SLC11A2: variants seen among roughly 807,000 people sequenced by gnomAD.
The protein encoded by SLC11A2 is solute carrier family 11 member 2.
SLC11A2 carries 38 observed loss-of-function variants against 68.0 expected under a neutral mutation model. The ratio of observed to expected loss-of-function variants is 0.56; its 90% CI spans 0.43 to 0.73. The LOEUF (loss-of-function observed/expected upper bound fraction) is 0.73. SLC11A2 is among the 30% of genes least tolerant of loss of function. The probability of loss-of-function intolerance (pLI) is 0.00; values close to 1 mark genes in which losing one functional copy is unlikely to be tolerated. For missense variants in SLC11A2, 517 were observed against 690.5 expected, an observed-to-expected ratio of 0.75 and a Z score of 2.82; for synonymous variants, 242 against 250.6, an observed-to-expected ratio of 0.97 and a Z score of 0.32.
chr12:51,012,193 A>G (rs531615584), intron 1 of SLC11A2, among the ~76,000 whole-genome samples: 1 of 152,292 alleles, frequency 6.6e-6, no homozygotes, highest in Admixed American at 6.5e-5. Flanking sequence ...GTCCTGTACT[A>G]AGCAACCCGC....
Position 50,986,960 on chromosome 12 carries a change from C to G in SLC11A2, c.*1365G>C, listed in dbSNP as rs1249176383. The G allele has an allele frequency of 7.8e-7, 1 of 1,287,182 alleles. No homozygotes were observed. The highest frequency in any genetic ancestry group is 5.5e-5 in the East Asian group (1 of 18,034). 79.7% of individuals were successfully genotyped at this position (1,287,182 alleles called of 1,614,324 possible). A position where few individuals can be genotyped will look rare whatever the true frequency, so the allele number is the denominator to read the frequency against. ...CCAAAAATGAGAAGTCCTTCAACACCATTTTCCATTACTGTTCTCACCAAA... is the reference window on the plus strand; with the variant it reads ...CCAAAAATGAGAAGTCCTTCAACACGATTTTCCATTACTGTTCTCACCAAA... On this transcript the variant is annotated 3_prime_UTR_variant, in exon 16 of 16. Transcript: ENST00000262052.
At chr12:50,972,137 G>C in the SLC11A2 span, among the ~76,000 whole-genome samples, 1 of 152,206 alleles carries the variant, frequency 6.6e-6, no homozygotes, top group African/African-American at 2.4e-5. Flanking sequence ...ATGGAAATAA[G>C]TCATCCTTTC....
chr12:50,970,032 C>T, the SLC11A2 span, among the ~76,000 whole-genome samples: 4 of 152,182 alleles, frequency 2.6e-5, no homozygotes, highest in Non-Finnish European at 5.9e-5. Context: ...AATTCACCCA[C>T]TAGATCATAA....
At position 50,988,013 on chromosome 12, in the gene SLC11A2, T is replaced by C; in HGVS notation, c.*312A>G. On this transcript the variant is annotated 3_prime_UTR_variant, in exon 16 of 16. Transcript: ENST00000262052. ...TAACATATAGCCTGGTTAAGAATCA[T>C]GCATATCCTTGTCTCTCCGAAGGAT... is the stretch of plus-strand genomic sequence containing the variant. 1.5e-6 allele frequency: 2 copies of C among 1,345,102 alleles called. No homozygotes were observed. Among genetic ancestry groups the C allele is most frequent in the Non-Finnish European group, 1.9e-6 (2 of 1,026,956 alleles). 83.3% of individuals were successfully genotyped at this position (1,345,102 alleles called of 1,614,324 possible). A position where few individuals can be genotyped will look rare whatever the true frequency, so the allele number is the denominator to read the frequency against.
chr12:50,952,297 AT>A, the SLC11A2 span, among the ~76,000 whole-genome samples: 2 of 152,172 alleles, frequency 1.3e-5, no homozygotes, highest in Non-Finnish European at 2.9e-5. Context: ...AGAAAGAAAC[AT>A]GTTAATAAAG....
the SLC11A2 span, among the ~76,000 whole-genome samples, chr12:50,952,348 C>T: frequency 4.6e-5 from 7 of 152,230 alleles, no homozygotes; most frequent in Middle Eastern, 0.01. Context: ...TTGTACTATT[C>T]TGGGGACTTT....
chr12:50,962,490 A>T, the SLC11A2 span, among the ~76,000 whole-genome samples: 3 of 152,122 alleles, frequency 2.0e-5, no homozygotes, highest in Non-Finnish European at 2.9e-5. Context: ...ACTTAGGGTC[A>T]GGAGTTCAAG....
chr12:51,007,236 A>G (rs1465140069), intron 3 of SLC11A2, among the ~76,000 whole-genome samples: 2 of 152,128 alleles, frequency 1.3e-5, no homozygotes, highest in Non-Finnish European at 2.9e-5. Flanking sequence ...CACCTTGGGC[A>G]CATGTTCTCG....
intron 8 of SLC11A2, among the ~76,000 whole-genome samples, chr12:50,998,769 T>C (rs1941953997): frequency 6.6e-6 from 1 of 152,162 alleles, no homozygotes; most frequent in Admixed American, 6.6e-5. Context: ...ACTGTTTTAA[T>C]ATTGGGAAAG....
chr12:50,953,952 T>C, the SLC11A2 span: 1 of 1,112,604 alleles, frequency 9.0e-7, no homozygotes, highest in Non-Finnish European at 1.4e-6. Flanking sequence ...TTATTTTTAA[T>C]GATTCACGGC....
At chr12:50,967,750 G>A in the SLC11A2 span, among the ~76,000 whole-genome samples, 9 of 152,086 alleles carry the variant, frequency 5.9e-5, no homozygotes, top group African/African-American at 2.2e-4. Context: ...CTGTTCCTCT[G>A]GAAGTACTTC....
intron 8 of SLC11A2, 34 bp downstream of exon 8, chr12:50,999,140 T>C: frequency 1.3e-6 from 2 of 1,523,724 alleles, no homozygotes; most frequent in Non-Finnish European, 1.8e-6. Flanking sequence ...AAAAACTTAT[T>C]TTAAGAAGCT....
intron 2 of SLC11A2, among the ~76,000 whole-genome samples, 156 bp from the exon 3 acceptor site, chr12:51,008,780 G>C (rs1942962028): frequency 6.6e-6 from 1 of 152,096 alleles, no homozygotes; most frequent in Non-Finnish European, 1.5e-5. Flanking sequence ...TATTTTTAAT[G>C]TACATTTTAG....
At chr12:51,025,846 CTT>C in intron 1 of SLC11A2, 6 of 988,598 alleles carry the variant, frequency 6.1e-6, no homozygotes, top group Non-Finnish European at 7.2e-6. Context: ...TATAATGAGT[CTT>C]TTGTTGAAGC....
At chr12:50,991,340 G>A in intron 14 of SLC11A2, 1 of 558,860 alleles carries the variant, frequency 1.8e-6, no homozygotes, top group Admixed American at 3.1e-5. Context: ...GAATTAAGGT[G>A]CCTCAAACTT....
intron 13 of SLC11A2, among the ~76,000 whole-genome samples, chr12:50,991,984 T>C (rs1941196473): frequency 6.6e-6 from 1 of 152,234 alleles, no homozygotes; most frequent in Non-Finnish European, 1.5e-5. Flanking sequence ...GTAAAGTTCA[T>C]AGTTCCCATT....
At chr12:51,010,847 G>A (rs1024959098) in intron 1 of SLC11A2, 81 bp from the exon 2 acceptor site, 10 of 592,352 alleles carry the variant, frequency 1.7e-5, no homozygotes, top group Non-Finnish European at 3.0e-5. Flanking sequence ...TACTCTGTAT[G>A]ACTGAATCCT....
At chr12:50,984,858 GTGCTGCTAAAC>G (rs570265107), downstream of SLC11A2, among the ~76,000 whole-genome samples, 320 of 152,272 alleles carry the variant, frequency 2.1e-3, no homozygotes, top group Non-Finnish European at 2.6e-3. Flanking sequence ...TATGTTCCTT[GTGCTGCTAAAC>G]AACAAAGCTT....
chr12:50,969,837 G>A, the SLC11A2 span, among the ~76,000 whole-genome samples: 2 of 152,172 alleles, frequency 1.3e-5, no homozygotes, highest in African/African-American at 4.8e-5. Flanking sequence ...GTGGTGGTAT[G>A]TGAGTTGTAG....
Sources: allele counts gnomAD v4.1 joint callset (sites outside exome capture counted in the v4.1 genomes callset), GRCh38; gene constraint gnomAD v4.1.1; transcripts MANE v1.5; gene names NCBI Gene and HGNC (gene_info 2026-07-23, HGNC 2026-07-21).